Variants in FBXL7 observed in about 807,000 individuals in gnomAD.
FBXL7 encodes the protein F-box and leucine rich repeat protein 7.
In FBXL7, 12 loss-of-function variants were observed where a neutral mutation model predicts 38.3. The ratio of observed to expected loss-of-function variants is 0.31; its 90% confidence interval spans 0.20 to 0.51. The LOEUF (loss-of-function observed/expected upper bound fraction) is 0.51, where lower values mean the gene tolerates loss of function less well. FBXL7 is among the 20% of genes least tolerant of loss of function. The probability of loss-of-function intolerance (pLI) is 0.98; values close to 1 mark genes in which losing one functional copy is unlikely to be tolerated. For synonymous variants in FBXL7, 297 were observed against 300.9 expected, an observed-to-expected ratio of 0.99 and a Z score of 0.13; for missense variants, 567 against 676.4, an observed-to-expected ratio of 0.84 and a Z score of 1.79.
intron 2 of FBXL7, among the ~76,000 whole-genome samples, chr5:15,852,867 C>G (rs778179525): frequency 1.3e-5 from 2 of 152,156 alleles, no homozygotes; most frequent in African/African-American, 2.4e-5. Context: ...AGGCAAAGCA[C>G]TCTGTGAGGG....
intron 2 of FBXL7, among the ~76,000 whole-genome samples, chr5:15,868,897 A>G (rs1176569972): frequency 1.3e-5 from 2 of 152,152 alleles, no homozygotes; most frequent in Non-Finnish European, 2.9e-5. Context: ...GAGTAATTGT[A>G]TATAAGAGTT....
chr5:15,659,823 T>C (rs1741999629), intron 2 of FBXL7, among the ~76,000 whole-genome samples: 1 of 152,236 alleles, frequency 6.6e-6, no homozygotes, highest in Non-Finnish European at 1.5e-5. Flanking sequence ...AGATTATATG[T>C]ATAATCTAAG....
intron 2 of FBXL7, among the ~76,000 whole-genome samples, chr5:15,679,407 T>C (rs1173431813): frequency 1.3e-5 from 2 of 152,212 alleles, no homozygotes; most frequent in African/African-American, 4.8e-5. Context: ...GACATCCTTA[T>C]TTCAGATGTG....
At chr5:15,572,003 T>C (rs907778707) in intron 1 of FBXL7, among the ~76,000 whole-genome samples, 5 of 152,146 alleles carry the variant, frequency 3.3e-5, no homozygotes, top group Admixed American at 1.3e-4. Context: ...AGCAGGTCTA[T>C]TAATCTGTAT....
chr5:15,897,780 T>C (rs1741139484), intron 2 of FBXL7, among the ~76,000 whole-genome samples: 1 of 151,418 alleles, frequency 6.6e-6, no homozygotes, highest in East Asian at 2.0e-4. Flanking sequence ...AGGCAAGAAC[T>C]TTGTTTGGAA....
intron 2 of FBXL7, among the ~76,000 whole-genome samples, chr5:15,756,553 C>T (rs865969026): frequency 2.6e-5 from 4 of 152,124 alleles, no homozygotes; most frequent in African/African-American, 9.7e-5. Context: ...AGTCACTATC[C>T]GGACCATTTT....
chr5:15,543,098 TC>T (rs1195961905), intron 1 of FBXL7, among the ~76,000 whole-genome samples: 1 of 152,186 alleles, frequency 6.6e-6, no homozygotes, highest in Non-Finnish European at 1.5e-5. Flanking sequence ...CTTCCACATT[TC>T]CAAAAGAAAA....
At chr5:15,778,594 C>G (rs1736917688) in intron 2 of FBXL7, among the ~76,000 whole-genome samples, 1 of 152,106 alleles carries the variant, frequency 6.6e-6, no homozygotes, top group Admixed American at 6.6e-5. Flanking sequence ...GGCATTGATT[C>G]ACCACTCTTT....
intron 2 of FBXL7, among the ~76,000 whole-genome samples, chr5:15,685,432 A>G (rs192960273): frequency 2.4e-4 from 37 of 152,342 alleles, no homozygotes; most frequent in Non-Finnish European, 4.6e-4. Context: ...GCAACACCTC[A>G]AAACCCACAG....
At chr5:15,677,474 A>AAGAGAGAGCG (rs139865739) in intron 2 of FBXL7, among the ~76,000 whole-genome samples, 67,643 of 149,018 alleles carry the variant, frequency 0.45, 15,758 homozygotes, top group African/African-American at 0.57. Flanking sequence ...AAAAGAAAGA[A>AAGAGAGAGCG]AGAGAGAGAG....
chr5:15,767,603 A>AT (rs1736623855), intron 2 of FBXL7, among the ~76,000 whole-genome samples: 1 of 152,232 alleles, frequency 6.6e-6, no homozygotes, highest in South Asian at 2.1e-4. Flanking sequence ...AAGATGAAAC[A>AT]TTTAGAGGTT....
chr5:15,589,376 G>A (rs1739403719), intron 1 of FBXL7, among the ~76,000 whole-genome samples: 1 of 152,012 alleles, frequency 6.6e-6, no homozygotes, highest in Non-Finnish European at 1.5e-5. Context: ...ACAAGATCTG[G>A]TTGTTTAAAA....
chr5:15,889,855 A>G (rs1740827950), intron 2 of FBXL7, among the ~76,000 whole-genome samples: 1 of 152,182 alleles, frequency 6.6e-6, no homozygotes, highest in African/African-American at 2.4e-5. Context: ...AGCTATTCCC[A>G]ACTAAAAACC....
chr5:15,696,040 G>A (rs924723923), intron 2 of FBXL7, among the ~76,000 whole-genome samples: 1 of 152,178 alleles, frequency 6.6e-6, no homozygotes, highest in Non-Finnish European at 1.5e-5. Context: ...GGCCAAACAT[G>A]AGGTTCCCTT....
At chr5:15,570,688 AG>A (rs1164991164) in intron 1 of FBXL7, among the ~76,000 whole-genome samples, 1 of 152,212 alleles carries the variant, frequency 6.6e-6, no homozygotes, top group Non-Finnish European at 1.5e-5. Flanking sequence ...AGTACCTTCC[AG>A]GGTGGTTTCC....
intron 1 of FBXL7, among the ~76,000 whole-genome samples, chr5:15,504,446 C>A (rs1333456138): frequency 6.6e-6 from 1 of 152,200 alleles, no homozygotes; most frequent in Non-Finnish European, 1.5e-5. Context: ...TCTTCTAACT[C>A]AACCAGTCCT....
intron 2 of FBXL7, among the ~76,000 whole-genome samples, chr5:15,733,016 A>G (rs1192990418): frequency 6.6e-6 from 1 of 152,186 alleles, no homozygotes. Context: ...TCACACTCTA[A>G]CAAGCATGAT....
intron 2 of FBXL7, among the ~76,000 whole-genome samples, chr5:15,790,722 C>A (rs2126730633): frequency 6.6e-6 from 1 of 152,282 alleles, no homozygotes; most frequent in Middle Eastern, 3.4e-3. Context: ...GACATTTATT[C>A]ACTGAACCCA....
At chr5:15,757,827 G>A (rs933568431) in intron 2 of FBXL7, among the ~76,000 whole-genome samples, 6 of 152,252 alleles carry the variant, frequency 3.9e-5, no homozygotes, top group Non-Finnish European at 8.8e-5. Context: ...CAGCTAAGTG[G>A]GAAGGAGGCA....
Sources: gnomAD v4.1 joint callset for allele counts (sites outside exome capture counted in the v4.1 genomes callset) on GRCh38, gnomAD v4.1.1 for gene constraint, MANE v1.5 for transcripts, NCBI Gene and HGNC (gene_info 2026-07-23, HGNC 2026-07-21) for gene names.